The following CDH13 variants were observed in gnomAD, a reference collection of about 807,000 sequenced individuals.
CDH13 encodes the protein cadherin 13.
CDH13 carries 24 observed loss-of-function variants against 63.8 expected under a neutral mutation model. That is an observed-to-expected ratio of 0.38 (90% CI 0.27 to 0.53). The LOEUF is 0.53. CDH13 is among the 20% of genes least tolerant of loss of function. The pLI is 0.85. For missense variants in CDH13, 1,049 were observed against 903.1 expected (o/e 1.16, Z -2.07); for synonymous variants, 503 against 355.3 (o/e 1.42, Z -4.67).
chr16:82,815,076 T>C (rs2037638829), intron 1 of CDH13, among the ~76,000 whole-genome samples: 1 of 152,172 alleles, frequency 6.6e-6, no homozygotes. Flanking sequence ...TCATTTCTTT[T>C]TTCTTATCCA....
chr16:83,303,275 A>G (rs751354052), intron 5 of CDH13, among the ~76,000 whole-genome samples: 5 of 152,224 alleles, frequency 3.3e-5, no homozygotes, highest in Non-Finnish European at 7.3e-5. Context: ...ACACAAATTT[A>G]TTTAATGTGT....
intron 1 of CDH13, among the ~76,000 whole-genome samples, chr16:82,637,185 GA>G (rs1908759215): frequency 6.6e-6 from 1 of 152,188 alleles, no homozygotes; most frequent in African/African-American, 2.4e-5. Context: ...TTCAGCCACT[GA>G]ATGAAGTTTG....
At chr16:82,718,286 T>C (rs1225624831) in intron 1 of CDH13, among the ~76,000 whole-genome samples, 1 of 152,134 alleles carries the variant, frequency 6.6e-6, no homozygotes, top group African/African-American at 2.4e-5. Flanking sequence ...TCCCCTTCTA[T>C]TATTGGTTGA....
chr16:83,324,229 G>A (rs990055715), intron 5 of CDH13, among the ~76,000 whole-genome samples: 1 of 152,012 alleles, frequency 6.6e-6, no homozygotes, highest in African/African-American at 2.4e-5. Flanking sequence ...TAGAGACAGG[G>A]TTTCACCATC....
chr16:83,703,674 T>C (rs1906582786), intron 10 of CDH13, among the ~76,000 whole-genome samples: 2 of 152,244 alleles, frequency 1.3e-5, no homozygotes, highest in African/African-American at 4.8e-5. Context: ...AAGTTGTTAA[T>C]GTTGAACACA....
Position 83,465,821 on chromosome 16 carries a change from A to C in CDH13, c.782-20656A>C, listed in dbSNP as rs796150132. Among the ~76,000 whole-genome samples the C allele has an allele frequency of 1.1e-4, 16 of 152,334 alleles. 1 individual carries two copies. The highest frequency in any genetic ancestry group is 3.6e-4 in the African/African-American group (15 of 41,588). On this transcript the variant is annotated intron_variant, in intron 6 of 13. Transcript: ENST00000567109. ...GCACAATTCACAGGTGTATCAGCCG[A>C]GGAAGCATCTCACAAACTCTATTCT...
intron 6 of CDH13, among the ~76,000 whole-genome samples, chr16:83,388,245 G>C (rs1414431131): frequency 6.7e-6 from 1 of 150,272 alleles, no homozygotes; most frequent in African/African-American, 2.5e-5. Context: ...CCAGGAGTTG[G>C]AGACCAGCCT....
chr16:83,504,606 G>A (rs1427641183), intron 7 of CDH13, among the ~76,000 whole-genome samples: 1 of 152,156 alleles, frequency 6.6e-6, no homozygotes, highest in Non-Finnish European at 1.5e-5. Context: ...CACTCCGGGT[G>A]CTGTGCCCAT....
At chr16:83,611,495 T>G (rs761431041) in intron 8 of CDH13, among the ~76,000 whole-genome samples, 24 of 152,092 alleles carry the variant, frequency 1.6e-4, no homozygotes, top group Admixed American at 7.2e-4. Context: ...TCAAAGAAAC[T>G]ACTTTTTGTT....
chr16:83,249,334 C>G (rs1192795478), intron 5 of CDH13, among the ~76,000 whole-genome samples: 1 of 152,188 alleles, frequency 6.6e-6, no homozygotes, highest in African/African-American at 2.4e-5. Flanking sequence ...TTGATATCAG[C>G]CATGGCAGGA....
chr16:83,556,664 G>C (rs2075608619), intron 7 of CDH13, among the ~76,000 whole-genome samples: 1 of 152,130 alleles, frequency 6.6e-6, no homozygotes, highest in African/African-American at 2.4e-5. Context: ...CAAATCAAGG[G>C]ACCTGGAGAG....
At chr16:83,384,813 G>C (rs1032945418) in intron 6 of CDH13, among the ~76,000 whole-genome samples, 3 of 152,216 alleles carry the variant, frequency 2.0e-5, no homozygotes, top group Non-Finnish European at 4.4e-5. Context: ...AGTACTCTCA[G>C]ATAAATCCAC....
chr16:83,759,331 T>C (rs78010023), intron 11 of CDH13, among the ~76,000 whole-genome samples: 10,123 of 152,156 alleles, frequency 0.067, 458 homozygotes, highest in East Asian at 0.15. Context: ...GCCAAGTTGA[T>C]TGAATAAACA....
At chr16:83,250,998 A>G (rs1905459657) in intron 5 of CDH13, among the ~76,000 whole-genome samples, 1 of 140,680 alleles carries the variant, frequency 7.1e-6, no homozygotes, top group African/African-American at 2.6e-5. Flanking sequence ...GTGGTTCGGT[A>G]AAGGTTTTTC....
At chr16:83,447,573 C>A (rs1341910626) in intron 6 of CDH13, among the ~76,000 whole-genome samples, 1 of 151,884 alleles carries the variant, frequency 6.6e-6, no homozygotes, top group Non-Finnish European at 1.5e-5. Flanking sequence ...CAGATGATAC[C>A]AGATCTTTAG....
At chr16:83,046,869 C>G (rs879438208) in intron 3 of CDH13, among the ~76,000 whole-genome samples, 2 of 152,160 alleles carry the variant, frequency 1.3e-5, no homozygotes, top group Non-Finnish European at 2.9e-5. Context: ...TCCTGCTGCT[C>G]TTTCTGTCTT....
At chr16:83,694,128 A>T (rs563929598) in intron 10 of CDH13, among the ~76,000 whole-genome samples, 2 of 152,344 alleles carry the variant, frequency 1.3e-5, no homozygotes, top group Admixed American at 1.3e-4. Flanking sequence ...GAAAACCAGA[A>T]GACAGACTGG....
At chr16:82,922,963 A>C (rs1288040217) in intron 2 of CDH13, among the ~76,000 whole-genome samples, 5 of 152,214 alleles carry the variant, frequency 3.3e-5, no homozygotes, top group Admixed American at 3.3e-4. Context: ...TTTGTATCCC[A>C]GTGAATATGA....
chr16:82,725,759 C>A (rs1020745663), intron 1 of CDH13, among the ~76,000 whole-genome samples: 2 of 152,114 alleles, frequency 1.3e-5, no homozygotes, highest in Admixed American at 6.6e-5. Flanking sequence ...CCTTTTGGCT[C>A]TCTGAGAAAT....
Sources: allele counts gnomAD v4.1 joint callset (sites outside exome capture counted in the v4.1 genomes callset), GRCh38; gene constraint gnomAD v4.1.1; transcripts MANE v1.5; gene names NCBI Gene and HGNC (gene_info 2026-07-23, HGNC 2026-07-21).